LARGE1: variants seen among roughly 807,000 people sequenced by gnomAD.
LARGE1 encodes the protein LARGE xylosyl- and glucuronyltransferase 1.
LARGE1 carries 43 observed loss-of-function variants against 87.6 expected under a neutral mutation model. The observed-to-expected ratio is 0.49, with a 90% CI of 0.38 to 0.63. The LOEUF (loss-of-function observed/expected upper bound fraction) is 0.63. Among genes scored for constraint, LARGE1 ranks in the 30% least tolerant of loss-of-function variants. The probability of loss-of-function intolerance (pLI) is 0.00; values close to 1 mark genes in which losing one functional copy is unlikely to be tolerated. For missense variants in LARGE1, 802 were observed against 1,000.2 expected (o/e 0.80, Z 2.67); for synonymous variants, 434 against 394.6 (o/e 1.10, Z -1.18).
At chr22:33,447,309 A>T (rs1351509485) in intron 6 of LARGE1, among the ~76,000 whole-genome samples, 1 of 152,232 alleles carries the variant, frequency 6.6e-6, no homozygotes, top group Non-Finnish European at 1.5e-5. Flanking sequence ...GAGATATTCC[A>T]TGATGGATAC....
chr22:33,159,638 G>A (rs564983304), downstream of LARGE1, among the ~76,000 whole-genome samples: 7 of 149,506 alleles, frequency 4.7e-5, no homozygotes, highest in South Asian at 6.4e-4. Flanking sequence ...AGGCTGGAGC[G>A]CAGCGGCACA....
chr22:33,828,293 T>C (rs2062857773), intron 1 of LARGE1, among the ~76,000 whole-genome samples: 1 of 152,238 alleles, frequency 6.6e-6, no homozygotes, highest in Non-Finnish European at 1.5e-5. Context: ...ACACAGGTGA[T>C]TGGATGGGAG....
rs1258430896 is a variant in LARGE1, at chr22:33,386,797, A to G, written c.893-2493T>C. ...ACTGGTGACTGATTTAAGAAAATAT[A>G]TTCCAGTCAAAAATATGAATGAAGC... On this transcript the variant is annotated intron_variant, in intron 7 of 14. Transcript: ENST00000397394. 1.3e-5 allele frequency among the ~76,000 whole-genome samples: 2 copies of G among 149,034 alleles called. 1 individual carries two copies. The highest frequency in any genetic ancestry group is 3.0e-5 in the Non-Finnish European group (2 of 66,614).
chr22:33,208,304 A>C (rs901953201), intron 11 of LARGE1, among the ~76,000 whole-genome samples: 1 of 152,238 alleles, frequency 6.6e-6, no homozygotes, highest in Non-Finnish European at 1.5e-5. Context: ...TTTCTCTTCC[A>C]AGAAACTAAG....
At chr22:33,690,670 GAAA>G (rs10711509) in intron 2 of LARGE1, among the ~76,000 whole-genome samples, 11 of 140,924 alleles carry the variant, frequency 7.8e-5, no homozygotes, top group East Asian at 2.1e-4. Flanking sequence ...CAGAGAAGAG[GAAA>G]AAAAAAAAAA....
At chr22:33,406,895 C>T (rs866902768) in intron 7 of LARGE1, among the ~76,000 whole-genome samples, 1 of 152,000 alleles carries the variant, frequency 6.6e-6, no homozygotes, top group African/African-American at 2.4e-5. Context: ...CAGGTTCAGG[C>T]GATTCTCCTG....
At chr22:33,305,282 G>A (rs886073224) in intron 11 of LARGE1, among the ~76,000 whole-genome samples, 5 of 151,182 alleles carry the variant, frequency 3.3e-5, no homozygotes, top group South Asian at 2.1e-4. Flanking sequence ...ACCCCAGGGC[G>A]CCAGGCAACT....
intron 1 of LARGE1, among the ~76,000 whole-genome samples, chr22:33,876,391 C>T (rs75387057): frequency 0.039 from 6,002 of 152,108 alleles, 161 homozygotes; most frequent in Middle Eastern, 0.061. Flanking sequence ...GAGGTGCACT[C>T]GGGTCACTGG....
intron 1 of LARGE1, among the ~76,000 whole-genome samples, chr22:33,892,976 G>C (rs551925335): frequency 6.6e-6 from 1 of 152,330 alleles, no homozygotes; most frequent in Admixed American, 6.5e-5. Context: ...ATTAAAAAGG[G>C]AGAAGGTGAA....
intron 1 of LARGE1, among the ~76,000 whole-genome samples, chr22:33,909,525 T>G (rs1184734040): frequency 3.0e-5 from 4 of 131,346 alleles, no homozygotes; most frequent in Admixed American, 3.0e-4. Context: ...TTCTTTTGTT[T>G]TTTTTTTTTT....
chr22:33,570,035 A>C (rs2078148088), intron 5 of LARGE1, among the ~76,000 whole-genome samples: 1 of 152,230 alleles, frequency 6.6e-6, no homozygotes, highest in Non-Finnish European at 1.5e-5. Flanking sequence ...CAGAAGAGGC[A>C]TAGTTTGTTG....
rs190949320 is a variant in LARGE1, at chr22:33,865,134, C to T, written c.-83+54861G>A. ...CCTCTGCTTCCACGTCTGTGCAGGA[C>T]AAGCTCCCTCTGCTTTTGCTCCATA... On this transcript the variant is annotated intron_variant, in intron 1 of 14. Coordinates refer to ENST00000397394, the MANE Select transcript of LARGE1 (RefSeq NM_133642.5). Among the ~76,000 whole-genome samples the T allele has an allele frequency of 2.2e-4, 33 of 152,344 alleles. No individual in the cohort carries two copies. The East Asian group carries it at 2.9e-3, about 13-fold the overall frequency.
At chr22:33,787,745 T>C (rs2085695405) in intron 1 of LARGE1, among the ~76,000 whole-genome samples, 2 of 152,196 alleles carry the variant, frequency 1.3e-5, no homozygotes, top group African/African-American at 2.4e-5. Flanking sequence ...CAAGCCTCAA[T>C]ACACTGTTAG....
chr22:33,287,317 T>C (rs890001042), intron 12 of LARGE1, among the ~76,000 whole-genome samples: 4 of 152,348 alleles, frequency 2.6e-5, no homozygotes, highest in South Asian at 2.1e-4. Flanking sequence ...GCAAGCAGCA[T>C]GCCTCACAAT....
At chr22:33,267,928 T>C (rs1003554427), downstream of LARGE1, among the ~76,000 whole-genome samples, 3 of 151,170 alleles carry the variant, frequency 2.0e-5, no homozygotes, top group Non-Finnish European at 4.4e-5. Flanking sequence ...AGCTAGATTA[T>C]GTGGACCCAT....
At chr22:33,089,321 TTTCTTCTTCTTCTTC>T in the LARGE1 span, among the ~76,000 whole-genome samples, 35 of 87,092 alleles carry the variant, frequency 4.0e-4, no homozygotes, top group South Asian at 1.8e-3. Context: ...TTCTTTCTTC[TTTCTTCTTCTTCTTC>T]TTCTTCTTCT....
chr22:33,847,190 A>G (rs1354664394), intron 1 of LARGE1, among the ~76,000 whole-genome samples: 2 of 152,162 alleles, frequency 1.3e-5, no homozygotes, highest in African/African-American at 4.8e-5. Context: ...GAAAATAGAA[A>G]AGAACCTACG....
intron 11 of LARGE1, among the ~76,000 whole-genome samples, chr22:33,173,739 A>T (rs1044190437): frequency 5.3e-5 from 8 of 152,210 alleles, no homozygotes; most frequent in African/African-American, 9.6e-5. Context: ...CAAAAGAGAC[A>T]CAGAAGGCCA....
At chr22:33,207,882 G>A (rs1365723998) in intron 11 of LARGE1, among the ~76,000 whole-genome samples, 7 of 152,052 alleles carry the variant, frequency 4.6e-5, no homozygotes, top group Non-Finnish European at 1.0e-4. Context: ...AGGGAGGGGA[G>A]AGGAAAAAAT....
Sources: gnomAD v4.1 joint callset for allele counts (sites outside exome capture counted in the v4.1 genomes callset) on GRCh38, gnomAD v4.1.1 for gene constraint, MANE v1.5 for transcripts, NCBI Gene and HGNC (gene_info 2026-07-23, HGNC 2026-07-21) for gene names.